The following DNAH6 variants were observed in gnomAD, a reference collection of about 807,000 sequenced individuals.
The protein encoded by DNAH6 is dynein axonemal heavy chain 6.
DNAH6 carries 340 observed loss-of-function variants against 491.4 expected under a neutral mutation model. That is an observed-to-expected ratio of 0.69 (90% CI 0.63 to 0.76). The LOEUF is 0.76. Among genes scored for constraint, DNAH6 ranks in the 30% least tolerant of loss-of-function variants. The pLI is 0.00. For synonymous variants in DNAH6, 1,603 were observed against 1,686.1 expected, an observed-to-expected ratio of 0.95 and a Z score of 1.21; for missense variants, 4,443 against 4,972.2, an observed-to-expected ratio of 0.89 and a Z score of 3.20.
chr2:84,736,030 A>G (rs528377979), intron 62 of DNAH6, among the ~76,000 whole-genome samples: 9 of 152,030 alleles, frequency 5.9e-5, no homozygotes, highest in Non-Finnish European at 1.3e-4. Context: ...GTTAATTTTT[A>G]TATATGGTAA....
intron 31 of DNAH6, among the ~76,000 whole-genome samples, chr2:84,637,806 A>G (rs1449219842): frequency 6.6e-6 from 1 of 152,212 alleles, no homozygotes; most frequent in Non-Finnish European, 1.5e-5. Flanking sequence ...ATAAGTATGT[A>G]TCAACTTAGT....
intron 64 of DNAH6, among the ~76,000 whole-genome samples, chr2:84,765,535 G>A (rs1446505434): frequency 3.3e-5 from 5 of 152,002 alleles, no homozygotes; most frequent in African/African-American, 9.7e-5. Context: ...AGGAAAATTC[G>A]TGGTTTCATG....
At chr2:84,553,628 ATT>A (rs748931607) in intron 10 of DNAH6, among the ~76,000 whole-genome samples, 69 of 90,996 alleles carry the variant, frequency 7.6e-4, no homozygotes, top group African/African-American at 3.0e-3. Context: ...AGGACTGGCT[ATT>A]TTTTTTTTTT....
chr2:84,653,575 G>T lies in DNAH6; in HGVS notation c.5335G>T (p.Glu1779Ter). The T allele has an allele frequency of 1.9e-6, 3 of 1,551,308 alleles. No homozygotes were observed. Among genetic ancestry groups the T allele is most frequent in the Non-Finnish European group, 2.6e-6 (3 of 1,146,722 alleles). The change falls in exon 34 of 77, where the codon GAA (glutamate) becomes TAA (stop). Residue 1779 changes from glutamate (E) to a stop codon, truncating the protein, a stop_gained. Coordinates refer to ENST00000389394, the MANE Select transcript of DNAH6 (RefSeq NM_001370.2). LOFTEE classifies it high-confidence loss of function. ...AGGGAATTTACAAAAACTTGGGATA[G>T]AAAATTCCTTTTACCAAGCAGTTAA... Reference protein sequence around the residue: ...TLGNLQKLGIENSFYQAVKTY... With the variant: ...TLGNLQKLGI
Position 84,653,819 on chromosome 2 carries a change from G to C in DNAH6, c.5579G>C (p.Cys1860Ser). 2 of 1,551,422 alleles carry C rather than the reference G, an allele frequency of 1.3e-6. No individual in the cohort carries two copies. The highest frequency in any genetic ancestry group is 1.7e-6 in the Non-Finnish European group (2 of 1,146,664). ...GTGCTGGATGATAACAAGATGCTTT[G>C]CCTGGCTAACAGTGAGAGGATTAAA... ...NTVLDDNKML[C>S]LANSERIKLT... is the part of the protein sequence containing the mutation. Residue 1860 changes from cysteine to serine, a missense_variant, in exon 34 of 77, where the codon TGC (cysteine) becomes TCC (serine). This residue lies in a region of DNAH6 where 2,977 missense variants were observed against 3,296.6 expected (regional missense o/e 0.90). Coordinates refer to ENST00000389394, the MANE Select transcript of DNAH6 (RefSeq NM_001370.2).
At chr2:84,634,019 C>T (rs1474312558) in intron 29 of DNAH6, among the ~76,000 whole-genome samples, 1 of 152,168 alleles carries the variant, frequency 6.6e-6, no homozygotes, top group East Asian at 1.9e-4. Context: ...TTTCCTCCAC[C>T]ATTAGGATTC....
chr2:84,651,621 A>G (rs1260674156), intron 33 of DNAH6, among the ~76,000 whole-genome samples: 1 of 151,556 alleles, frequency 6.6e-6, no homozygotes, highest in Non-Finnish European at 1.5e-5. Flanking sequence ...ATCTGTGCCC[A>G]TTGGCATTTC....
chr2:84,697,866 A>C (rs1163517404), intron 47 of DNAH6, 139 bp downstream of exon 47: 1 of 926,284 alleles, frequency 1.1e-6, no homozygotes, highest in African/African-American at 1.7e-5. Flanking sequence ...TATTCGATGT[A>C]TTTTATTTTC....
intron 14 of DNAH6, 84 bp downstream of exon 14, chr2:84,579,763 A>T: frequency 8.4e-7 from 1 of 1,194,820 alleles, no homozygotes; most frequent in Non-Finnish European, 1.1e-6. Flanking sequence ...TGAAGGACTA[A>T]GGGGCAAAAG....
chr2:84,772,043 A>G (rs1384608952), intron 64 of DNAH6, among the ~76,000 whole-genome samples: 1 of 152,198 alleles, frequency 6.6e-6, no homozygotes, highest in Non-Finnish European at 1.5e-5. Context: ...AATGTATAAA[A>G]ATATAGTTTG....
At chr2:84,648,008 A>G (rs1028646878) in intron 33 of DNAH6, among the ~76,000 whole-genome samples, 2 of 152,198 alleles carry the variant, frequency 1.3e-5, no homozygotes, top group Non-Finnish European at 2.9e-5. Context: ...GGATGATTCT[A>G]ATGTTAGTTC....
At chr2:84,596,678 AC>A (rs34430430) in intron 18 of DNAH6, among the ~76,000 whole-genome samples, 121,124 of 148,564 alleles carry the variant, frequency 0.82, 49,685 homozygotes, top group East Asian at 0.98. Context: ...TAAAAAAAAA[AC>A]AAATGTGGAG....
At chr2:84,580,928 C>T (rs1227061718) in intron 14 of DNAH6, among the ~76,000 whole-genome samples, 5 of 152,160 alleles carry the variant, frequency 3.3e-5, no homozygotes, top group African/African-American at 1.2e-4. Flanking sequence ...TTCCATCTCT[C>T]CTCTCTGCAT....
intron 4 of DNAH6, among the ~76,000 whole-genome samples, chr2:84,532,436 T>C (rs73945109): frequency 0.012 from 1,853 of 152,246 alleles, 38 homozygotes; most frequent in African/African-American, 0.042. Context: ...GCTATGGAGT[T>C]GGCAGCAGCT....
chr2:84,797,016 G>C (rs918043643), intron 69 of DNAH6, among the ~76,000 whole-genome samples: 2 of 152,132 alleles, frequency 1.3e-5, no homozygotes, highest in South Asian at 2.1e-4. Context: ...AACTTGATTA[G>C]TACAAGCTCA....
Position 84,558,690 on chromosome 2 carries a change from A to G in DNAH6, c.1803+755A>G, listed in dbSNP as rs147900025. On this transcript the variant is annotated intron_variant, in intron 11 of 76. Transcript: ENST00000389394. ...CCACTCAAATGCAAGCACTAACTAA[A>G]GCATGCTTGAAGACTTTGAAAATAG... Among the ~76,000 whole-genome samples the G allele has an allele frequency of 3.4e-4, 52 of 152,330 alleles. 1 individual carries two copies. Among genetic ancestry groups the G allele is most frequent in the African/African-American group, 1.2e-3 (51 of 41,578 alleles).
chr2:84,759,945 A>C (rs1674408360), intron 63 of DNAH6, among the ~76,000 whole-genome samples: 1 of 152,208 alleles, frequency 6.6e-6, no homozygotes, highest in Non-Finnish European at 1.5e-5. Context: ...TGAAAACAGC[A>C]TGGCACTGTT....
intron 58 of DNAH6, 130 bp from the exon 59 acceptor site, chr2:84,718,074 T>C (rs1697723099): frequency 2.9e-6 from 2 of 678,594 alleles, no homozygotes; most frequent in Non-Finnish European, 4.7e-6. Context: ...CATTCAGATA[T>C]GGCCATCAGC....
rs1305656466 is a variant in DNAH6, at chr2:84,701,146, T to C, written c.7868T>C (p.Val2623Ala). The change falls in exon 49 of 77, where the codon GTC (valine) becomes GCC (alanine). Residue 2623 changes from valine to alanine, a missense_variant. Coordinates refer to ENST00000389394, the MANE Select transcript of DNAH6 (RefSeq NM_001370.2). ...LSVSKTFFSQ[V>A]DAGNEELKEK... The stretch of plus-strand genomic sequence containing the variant: ...GTGTCAAAGACATTTTTCTCACAAG[T>C]CGATGCTGGAAATGAAGAACTGAAA... 3 of 1,551,842 alleles carry C rather than the reference T, an allele frequency of 1.9e-6. No homozygotes were observed. The highest frequency in any genetic ancestry group is 2.6e-6 in the Non-Finnish European group (3 of 1,146,924).
Sources: gnomAD v4.1 joint callset for allele counts (sites outside exome capture counted in the v4.1 genomes callset) on GRCh38, gnomAD v4.1.1 for gene constraint, gnomAD v4.1.1 regional missense constraint, MANE v1.5 for transcripts, NCBI Gene and HGNC (gene_info 2026-07-23, HGNC 2026-07-21) for gene names.